Variants in PEAK1 observed in about 807,000 individuals in gnomAD.
The protein encoded by PEAK1 is pseudopodium enriched atypical kinase 1, also known as inactive tyrosine-protein kinase PEAK1.
In PEAK1, 54 loss-of-function variants were observed where a neutral mutation model predicts 124.7. That is an observed-to-expected ratio of 0.43 (90% CI 0.35 to 0.54). The LOEUF (loss-of-function observed/expected upper bound fraction) is 0.54, where lower values mean the gene tolerates loss of function less well. Among genes scored for constraint, PEAK1 ranks in the 20% least tolerant of loss-of-function variants. The pLI is 0.01. For missense variants in PEAK1, 2,046 were observed against 2,134.5 expected, an observed-to-expected ratio of 0.96 and a Z score of 0.82; for synonymous variants, 719 against 760.0, an observed-to-expected ratio of 0.95 and a Z score of 0.89.
intron 2 of PEAK1, among the ~76,000 whole-genome samples, chr15:77,307,074 T>G (rs2064146774): frequency 6.6e-6 from 1 of 152,114 alleles, no homozygotes; most frequent in Admixed American, 6.5e-5. Context: ...TTAAAGCCAA[T>G]GAAGAAAAAC....
At chr15:77,193,760 C>T (rs997125344) in intron 6 of PEAK1, among the ~76,000 whole-genome samples, 7 of 152,112 alleles carry the variant, frequency 4.6e-5, no homozygotes, top group African/African-American at 1.7e-4. Context: ...GCAGAGATTG[C>T]ACCACTGCAC....
At chr15:77,377,423 A>C (rs988795431) in intron 1 of PEAK1, among the ~76,000 whole-genome samples, 1 of 152,014 alleles carries the variant, frequency 6.6e-6, no homozygotes, top group East Asian at 1.9e-4. Flanking sequence ...AAACATAGAC[A>C]AGGTATGGGA....
intron 7 of PEAK1, among the ~76,000 whole-genome samples, chr15:77,160,128 G>A (rs956346001): frequency 1.3e-5 from 2 of 152,042 alleles, no homozygotes; most frequent in African/African-American, 4.8e-5. Flanking sequence ...CAACCCAAAA[G>A]AGGGGCTCCA....
intron 6 of PEAK1, among the ~76,000 whole-genome samples, chr15:77,205,275 T>TAAAA (rs374955010): frequency 7.0e-6 from 1 of 143,400 alleles, no homozygotes. Context: ...TGCCTTTTTT[T>TAAAA]AAAAAAAAAA....
At chr15:77,330,739 C>T (rs917890688) in intron 2 of PEAK1, among the ~76,000 whole-genome samples, 11 of 152,178 alleles carry the variant, frequency 7.2e-5, no homozygotes, top group Non-Finnish European at 1.0e-4. Flanking sequence ...GTATATAAAA[C>T]GGCATTCTCT....
chr15:77,286,623 G>A (rs914787401), intron 2 of PEAK1, 119 bp from the exon 3 acceptor site: 1 of 459,216 alleles, frequency 2.2e-6, no homozygotes, highest in Non-Finnish European at 3.5e-6. Flanking sequence ...TATTCTATTT[G>A]ATGAACTTAT....
chr15:77,333,688 C>CTTA (rs1258701899), intron 2 of PEAK1: 1 of 971,432 alleles, frequency 1.0e-6, no homozygotes, highest in African/African-American at 1.8e-5. Context: ...CTTTTGTTTA[C>CTTA]TAATTCATTC....
intron 6 of PEAK1, among the ~76,000 whole-genome samples, chr15:77,247,761 T>G (rs1325778843): frequency 1.3e-5 from 2 of 152,138 alleles, no homozygotes; most frequent in Non-Finnish European, 2.9e-5. Context: ...TTTAATTTAT[T>G]GATATGGTGA....
rs2060921199 is a variant in PEAK1, at chr15:77,252,404, A to AGT, written c.-153_-152insAC. 2.0e-6 allele frequency: 2 copies of AGT among 985,268 alleles called. No individual in the cohort carries two copies. The highest frequency in any genetic ancestry group is 3.5e-5 in the African/African-American group (2 of 57,228). The allele number at this position is 985,268 out of a possible 1,614,324, so 61.0% of individuals were successfully genotyped here. A position where few individuals can be genotyped will look rare whatever the true frequency, so the allele number is the denominator to read the frequency against. The stretch of plus-strand genomic sequence containing the variant: ...AAGCACTTCATTCATTCTGGTGACA[A>AGT]AGGTGGTTTTAGCAGCTAGCAAAAC... On this transcript the variant is annotated 5_prime_UTR_variant, in exon 6 of 10. Coordinates refer to ENST00000682557, the MANE Select transcript of PEAK1 (RefSeq NM_001385026.1).
chr15:77,397,647 C>T (rs1427022324), intron 1 of PEAK1, among the ~76,000 whole-genome samples: 1 of 152,116 alleles, frequency 6.6e-6, no homozygotes, highest in African/African-American at 2.4e-5. Flanking sequence ...TTAGAGGCTA[C>T]TATGAGTAAC....
chr15:77,205,806 T>A (rs2058613472), intron 6 of PEAK1, among the ~76,000 whole-genome samples: 1 of 152,220 alleles, frequency 6.6e-6, no homozygotes, highest in Admixed American at 6.5e-5. Flanking sequence ...GTCACTGGAA[T>A]AACTTTATTA....
chr15:77,182,190 T>C (rs1241438596), intron 6 of PEAK1, 150 bp from the exon 7 acceptor site: 6 of 656,450 alleles, frequency 9.1e-6, no homozygotes, highest in Non-Finnish European at 1.2e-5. Flanking sequence ...ACTTTGTAAT[T>C]TCCCTTTAGC....
chr15:77,127,404 G>A lies in PEAK1; in HGVS notation c.4077+5601C>T, dbSNP rs371240760. Among the ~76,000 whole-genome samples the A allele has an allele frequency of 3.7e-3, 563 of 152,308 alleles. 2 individuals are homozygous for A. The highest frequency in any genetic ancestry group is 6.7e-3 in the Admixed American group (103 of 15,290). ...TACTTTAAAAGGTAGAAGCAGCTTT[G>A]GAATTGGGTAGAGGCTAGAAGAGTT... On this transcript the variant is annotated intron_variant, in intron 9 of 9. Transcript: ENST00000682557.
intron 8 of PEAK1, among the ~76,000 whole-genome samples, chr15:77,149,439 T>C (rs1422265723): frequency 2.0e-5 from 3 of 152,248 alleles, no homozygotes; most frequent in Non-Finnish European, 1.5e-5. Flanking sequence ...TGCTGTCTTT[T>C]AGTTTTTAAA....
At chr15:77,313,742 T>TATATATA (rs760524195) in intron 2 of PEAK1, among the ~76,000 whole-genome samples, 5,831 of 113,230 alleles carry the variant, frequency 0.051, 272 homozygotes, top group Non-Finnish European at 0.072. Flanking sequence ...ATATATATAT[T>TATATATA]TATTTATTTA....
intron 1 of PEAK1, among the ~76,000 whole-genome samples, chr15:77,408,004 C>T (rs1001100173): frequency 1.3e-5 from 2 of 150,440 alleles, no homozygotes; most frequent in African/African-American, 2.4e-5. Flanking sequence ...CATACACACA[C>T]GTACACATAT....
chr15:77,284,234 G>A (rs921408411), intron 4 of PEAK1, among the ~76,000 whole-genome samples: 5 of 152,164 alleles, frequency 3.3e-5, no homozygotes, highest in African/African-American at 9.7e-5. Context: ...ATACAAATGC[G>A]AAGGTCTCAG....
At chr15:77,230,802 C>T (rs1332832360) in intron 6 of PEAK1, among the ~76,000 whole-genome samples, 1 of 152,066 alleles carries the variant, frequency 6.6e-6, no homozygotes, top group Admixed American at 6.6e-5. Flanking sequence ...CACTACACTC[C>T]AGCCTAGGAG....
intron 2 of PEAK1, among the ~76,000 whole-genome samples, chr15:77,313,668 G>A (rs1223065482): frequency 7.1e-5 from 8 of 112,376 alleles, no homozygotes; most frequent in African/African-American, 3.5e-4. Flanking sequence ...GTGTGTGTGT[G>A]TGTGTGTGTG....
Sources: gnomAD v4.1 joint callset for allele counts (sites outside exome capture counted in the v4.1 genomes callset) on GRCh38, gnomAD v4.1.1 for gene constraint, MANE v1.5 for transcripts, NCBI Gene and HGNC (gene_info 2026-07-23, HGNC 2026-07-21) for gene names.